Variants in ZFAND6 observed in about 807,000 individuals in gnomAD.
The protein encoded by ZFAND6 is zinc finger AN1-type containing 6, also known as AN1-type zinc finger protein 6.
A neutral mutation model predicts 24.5 loss-of-function variants in ZFAND6; 12 were observed. The ratio of observed to expected loss-of-function variants is 0.49; its 90% CI spans 0.31 to 0.79. The LOEUF (loss-of-function observed/expected upper bound fraction) is 0.79, where lower values mean the gene tolerates loss of function less well. ZFAND6 is among the 30% of genes least tolerant of loss of function. The pLI, the probability that ZFAND6 is intolerant of heterozygous loss-of-function variation, is 0.04. For synonymous variants in ZFAND6, 92 were observed against 81.5 expected (o/e 1.13, Z -0.69); for missense variants, 207 against 245.9 (o/e 0.84, Z 1.06).
intron 2 of ZFAND6, among the ~76,000 whole-genome samples, chr15:80,112,420 CAG>C (rs1372593664): frequency 6.6e-6 from 1 of 152,028 alleles, no homozygotes; most frequent in African/African-American, 2.4e-5. Flanking sequence ...TTTTTTGAGA[CAG>C]AGTCTTGCTC....
intron 4 of ZFAND6, 86 bp downstream of exon 4, chr15:80,121,906 T>A: frequency 1.8e-6 from 2 of 1,136,150 alleles, no homozygotes; most frequent in Non-Finnish European, 2.4e-6. Context: ...GAAAACTACG[T>A]AAAGCTACTT....
intron 3 of ZFAND6, 123 bp downstream of exon 3, chr15:80,120,621 A>G: frequency 2.5e-6 from 2 of 811,270 alleles, no homozygotes; most frequent in Non-Finnish European, 3.4e-6. Flanking sequence ...TATCAGTAAA[A>G]TTTCTCATTA....
intron 1 of ZFAND6, among the ~76,000 whole-genome samples, chr15:80,088,531 A>C (rs1233535330): frequency 6.6e-6 from 1 of 152,138 alleles, no homozygotes; most frequent in Admixed American, 6.5e-5. Flanking sequence ...GTGCCACTGC[A>C]CTCCAGCCTG....
intron 1 of ZFAND6, among the ~76,000 whole-genome samples, chr15:80,088,970 C>G (rs1480769093): frequency 2.6e-5 from 4 of 152,030 alleles, no homozygotes; most frequent in Non-Finnish European, 5.9e-5. Flanking sequence ...ATAGACCCAC[C>G]ATAATCTTGC....
intron 1 of ZFAND6, among the ~76,000 whole-genome samples, chr15:80,065,536 G>GGTTTTTTTTTTTTTT (rs1341209807): frequency 2.4e-5 from 2 of 84,984 alleles, no homozygotes; most frequent in Admixed American, 1.4e-4. Context: ...TTTTGGTTTT[G>GGTTTTTTTTTTTTTT]ATTTTTTTTT....
chr15:80,114,032 G>T (rs527820760), intron 2 of ZFAND6, among the ~76,000 whole-genome samples: 1 of 152,186 alleles, frequency 6.6e-6, no homozygotes, highest in East Asian at 1.9e-4. Context: ...ACTAAAAAAG[G>T]CGCAATATGA....
intron 6 of ZFAND6, among the ~76,000 whole-genome samples, chr15:80,134,571 A>G (rs1169018432): frequency 1.3e-5 from 2 of 152,226 alleles, no homozygotes; most frequent in South Asian, 2.1e-4. Context: ...TGAAACAACA[A>G]ATTTTTGCAG....
chr15:80,113,200 G>A (rs551475621), intron 2 of ZFAND6, among the ~76,000 whole-genome samples: 73 of 152,322 alleles, frequency 4.8e-4, no homozygotes, highest in African/African-American at 1.8e-3. Flanking sequence ...AAAATTGAAG[G>A]TGGTCTTGAA....
At chr15:80,089,650 T>G (rs28413032) in intron 1 of ZFAND6, among the ~76,000 whole-genome samples, 1 of 152,160 alleles carries the variant, frequency 6.6e-6, no homozygotes, top group African/African-American at 2.4e-5. Context: ...ATAGGCTGAT[T>G]GATGATCACT....
intron 5 of ZFAND6, among the ~76,000 whole-genome samples, chr15:80,128,815 T>C (rs1252398246): frequency 1.3e-5 from 2 of 152,236 alleles, no homozygotes; most frequent in African/African-American, 4.8e-5. Flanking sequence ...TCTTTGGGGC[T>C]TTAGGGTTAA....
intron 2 of ZFAND6, among the ~76,000 whole-genome samples, chr15:80,117,213 A>G (rs897163056): frequency 3.3e-5 from 5 of 151,798 alleles, no homozygotes; most frequent in African/African-American, 9.7e-5. Flanking sequence ...TTACAAAAAT[A>G]TCTACTGAAT....
chr15:80,098,698 A>AT (rs1337168705), intron 2 of ZFAND6, 120 bp downstream of exon 2: 1 of 151,914 alleles, frequency 6.6e-6, no homozygotes, highest in African/African-American at 2.4e-5. Flanking sequence ...TTTAGGGTGT[A>AT]TTTTTTCTGG....
At chr15:80,097,165 A>G (rs989082667) in intron 1 of ZFAND6, among the ~76,000 whole-genome samples, 1 of 151,492 alleles carries the variant, frequency 6.6e-6, no homozygotes, top group Non-Finnish European at 1.5e-5. Context: ...ATGCCCTGCT[A>G]ATTTTTGTGT....
intron 5 of ZFAND6, 189 bp from the exon 6 acceptor site, chr15:80,130,991 A>G (rs1019299163): frequency 4.7e-6 from 2 of 425,778 alleles, no homozygotes; most frequent in Admixed American, 4.0e-5. Flanking sequence ...ATTATTTTCT[A>G]CATGCATATA....
At chr15:80,130,089 G>T (rs1330864026) in intron 5 of ZFAND6, 1 of 152,202 alleles carries the variant, frequency 6.6e-6, no homozygotes, top group Non-Finnish European at 1.5e-5. Context: ...CTAAACATCA[G>T]AGGGAACACC....
At chr15:80,122,218 G>GTA (rs1016212555) in intron 4 of ZFAND6, among the ~76,000 whole-genome samples, 10 of 152,126 alleles carry the variant, frequency 6.6e-5, no homozygotes, top group Admixed American at 5.9e-4. Context: ...ATTGTAATGT[G>GTA]TATATATATA....
At chr15:80,075,372 C>A (rs2037213469) in intron 1 of ZFAND6, 3 of 200,370 alleles carry the variant, frequency 1.5e-5, no homozygotes, top group South Asian at 1.3e-4. Flanking sequence ...GCTGGGTACC[C>A]CAAGGTAAAG....
At chr15:80,084,069 G>C (rs922581105) in intron 1 of ZFAND6, among the ~76,000 whole-genome samples, 2 of 152,184 alleles carry the variant, frequency 1.3e-5, no homozygotes, top group Non-Finnish European at 2.9e-5. Context: ...CAGCTAAGAA[G>C]AAACAGCTCA....
At chr15:80,104,477 C>A (rs2039208658) in intron 2 of ZFAND6, among the ~76,000 whole-genome samples, 2 of 152,160 alleles carry the variant, frequency 1.3e-5, no homozygotes, top group African/African-American at 4.8e-5. Flanking sequence ...CGAGATCGCA[C>A]CACTGCACTC....
Sources: gnomAD v4.1 joint callset for allele counts (sites outside exome capture counted in the v4.1 genomes callset) on GRCh38, gnomAD v4.1.1 for gene constraint, MANE v1.5 for transcripts, NCBI Gene and HGNC (gene_info 2026-07-23, HGNC 2026-07-21) for gene names.